The following DHRS7C variants were observed in gnomAD, a reference collection of about 807,000 sequenced individuals.
The protein encoded by DHRS7C is dehydrogenase/reductase SDR family member 7C.
In DHRS7C, 28 loss-of-function variants were observed where a neutral mutation model predicts 29.6. The ratio of observed to expected loss-of-function variants is 0.95; its 90% CI spans 0.70 to 1.30. The LOEUF is 1.30. Among genes scored for constraint, DHRS7C ranks in the 50% most tolerant of loss-of-function variants. DHRS7C has a pLI of 0.00. For synonymous variants in DHRS7C, 158 were observed against 160.2 expected, an observed-to-expected ratio of 0.99 and a Z score of 0.10; for missense variants, 403 against 393.3, an observed-to-expected ratio of 1.02 and a Z score of -0.21.
rs554893061 is a variant in DHRS7C, at chr17:9,774,597, T to A, written c.572-1675A>T. Among the ~76,000 whole-genome samples, 206 of 152,088 alleles carry A rather than the reference T, an allele frequency of 1.4e-3. No individual in the cohort carries two copies. The highest frequency in any genetic ancestry group is 2.9e-3 in the Admixed American group (45 of 15,272). On this transcript the variant is annotated intron_variant, in intron 4 of 5. Transcript: ENST00000571134. The surrounding 1 kb of genome is among the most constrained non-coding windows in gnomAD (Gnocchi z 5.0). ...CTGTGCCCGGCCCCATGTGGCATGGTTAATGCAGGAAAGAGATGTGTGCCT... is the reference window on the plus strand; with the variant it reads ...CTGTGCCCGGCCCCATGTGGCATGGATAATGCAGGAAAGAGATGTGTGCCT...
At position 9,775,432 on chromosome 17, in the gene DHRS7C, A is replaced by G. The variant is rs1432612794; in HGVS notation, c.571+1761T>C. 3.9e-5 allele frequency among the ~76,000 whole-genome samples: 6 copies of G among 152,142 alleles called. No individual in the cohort carries two copies. Among genetic ancestry groups the G allele is most frequent in the Non-Finnish European group, 7.4e-5 (5 of 68,012 alleles). ...CAGCGGTGATGCCAGCCTGGGGACA[A>G]TGGGATGTCCAATGCCAGCCTGGGG... On this transcript the variant is annotated intron_variant, in intron 4 of 5. Coordinates refer to ENST00000571134, the MANE Select transcript of DHRS7C (RefSeq NM_001105571.3). The surrounding 1 kb of genome is among the most constrained non-coding windows in gnomAD (Gnocchi z 4.2).
intron 1 of DHRS7C, among the ~76,000 whole-genome samples, chr17:9,784,866 C>T (rs1384687480): frequency 6.6e-6 from 1 of 152,176 alleles, no homozygotes; most frequent in African/African-American, 2.4e-5. Flanking sequence ...ACTGATGTTG[C>T]AGAAATTGGT....
chr17:9,775,899 T>C lies in DHRS7C; in HGVS notation c.571+1294A>G, dbSNP rs902342433. Among the ~76,000 whole-genome samples the C allele has an allele frequency of 1.3e-5, 2 of 152,170 alleles. No individual in the cohort carries two copies. The highest frequency in any genetic ancestry group is 3.9e-4 in the East Asian group (2 of 5,190). ...TCCTACTCTAATCTGACTGGTGCTA[T>C]TGTAAGAAGAGGAAATTTGGGGCCG... On this transcript the variant is annotated intron_variant, in intron 4 of 5. Coordinates refer to ENST00000571134, the MANE Select transcript of DHRS7C (RefSeq NM_001105571.3). This position sits in a 1 kb window ranked among gnomAD's most constrained non-coding sequence, Gnocchi z 4.2.
chr17:9,789,398 A>T (rs960588758), intron 1 of DHRS7C, among the ~76,000 whole-genome samples: 2 of 152,192 alleles, frequency 1.3e-5, no homozygotes, highest in East Asian at 3.9e-4. Context: ...CCCTGATCAC[A>T]TGTCACTTTT....
chr17:9,777,882 C>T (rs1320742778), intron 3 of DHRS7C, among the ~76,000 whole-genome samples: 6 of 152,072 alleles, frequency 3.9e-5, no homozygotes, highest in African/African-American at 7.2e-5. Context: ...TCAGGTTGTC[C>T]TTTATTTACT....
Position 9,774,531 on chromosome 17 carries a change from G to A in DHRS7C, c.572-1609C>T, listed in dbSNP as rs9912602. On this transcript the variant is annotated intron_variant, in intron 4 of 5. Coordinates refer to ENST00000571134, the MANE Select transcript of DHRS7C (RefSeq NM_001105571.3). This position sits in a 1 kb window ranked among gnomAD's most constrained non-coding sequence, Gnocchi z 5.0. ...ACTCCTGACCTCAAGTGATCTACCC[G>A]CCTTGGCCTTCCAAAGTGCTGGGAT... Among the ~76,000 whole-genome samples the A allele has an allele frequency of 0.03, 4,583 of 152,228 alleles. 253 individuals are homozygous for A. Among genetic ancestry groups the A allele is most frequent in the African/African-American group, 0.1 (4,271 of 41,512 alleles).
In DHRS7C at chr17:9,791,231, G is replaced by A; in HGVS notation, c.54C>T (p.Gly18=). The A allele has an allele frequency of 6.2e-7, 1 of 1,613,716 alleles. No individual in the cohort carries two copies. Among genetic ancestry groups the A allele is most frequent in the Non-Finnish European group, 8.5e-7 (1 of 1,179,804 alleles). ...ACACCTCTTGGTAAATGAAGAGGAG[G>A]CCGCTGATTCCCAGCAGCAGCAGGG... ...MLPLLLLGIS[G]LLFIYQEVSR... Residue 18 remains glycine (G), a synonymous_variant, in exon 1 of 6, where the codon GGC becomes GGT. Coordinates refer to ENST00000571134, the MANE Select transcript of DHRS7C (RefSeq NM_001105571.3).
intron 5 of DHRS7C, 73 bp from the exon 6 acceptor site, chr17:9,771,769 A>G: frequency 4.6e-6 from 6 of 1,293,066 alleles, no homozygotes; most frequent in East Asian, 3.0e-5. Context: ...CTGCACATGC[A>G]CAAAGGCTGA....
intron 1 of DHRS7C, among the ~76,000 whole-genome samples, chr17:9,781,901 C>T (rs1205768178): frequency 6.6e-6 from 1 of 152,154 alleles, no homozygotes; most frequent in Non-Finnish European, 1.5e-5. Context: ...CACCTGGTCC[C>T]CCAGGACCGC....
chr17:9,776,574 C>T lies in DHRS7C; in HGVS notation c.571+619G>A, dbSNP rs113550919. Among the ~76,000 whole-genome samples, 22 of 152,262 alleles carry T rather than the reference C, an allele frequency of 1.4e-4. 1 individual carries two copies. The highest frequency in any genetic ancestry group is 4.1e-4 in the African/African-American group (17 of 41,548). ...GGGCCACGAATAAATGTATATGGCA[C>T]GTTCCCCACCTCTTAGAACTAGCTC... On this transcript the variant is annotated intron_variant, in intron 4 of 5. Transcript: ENST00000571134.
chr17:9,777,320 C>T (rs750737888), intron 3 of DHRS7C, 35 bp from the exon 4 acceptor site: 6 of 1,590,716 alleles, frequency 3.8e-6, no homozygotes, highest in Middle Eastern at 1.7e-4. Context: ...ATGGTTAAAA[C>T]TTTGAGACTG....
At chr17:9,780,814 C>T (rs933547427) in intron 2 of DHRS7C, among the ~76,000 whole-genome samples, 1 of 152,240 alleles carries the variant, frequency 6.6e-6, no homozygotes, top group Non-Finnish European at 1.5e-5. Flanking sequence ...CTTAGCTTAA[C>T]TCAGTGTTTC....
Position 9,772,908 on chromosome 17 carries a change from G to A in DHRS7C, c.586C>T (p.His196Tyr), listed in dbSNP as rs776337312. The change falls in exon 5 of 6, where the codon CAC becomes TAC. Residue 196 changes from histidine to tyrosine, a missense_variant. Physicochemically the swap from His to Tyr is moderately conservative, Grantham distance 83. Coordinates refer to ENST00000571134, the MANE Select transcript of DHRS7C (RefSeq NM_001105571.3). ...CAGTCAAAGAAGCCCAGGGCTGCGT[G>A]CTTGGAGGCAGCGTCTGCGAGACAA... ...PFRTTYAASK[H>Y]AALGFFDCLR... The A allele has an allele frequency of 1.2e-6, 2 of 1,613,746 alleles. No homozygotes were observed. The highest frequency in any genetic ancestry group is 3.3e-5 in the Admixed American group (2 of 60,016).
intron 5 of DHRS7C, 76 bp from the exon 6 acceptor site, chr17:9,771,772 A>G: frequency 7.8e-7 from 1 of 1,277,814 alleles, no homozygotes. Flanking sequence ...CACATGCACA[A>G]AGGCTGAGGG....
At chr17:9,783,701 C>T (rs1157567008) in intron 1 of DHRS7C, among the ~76,000 whole-genome samples, 2 of 152,182 alleles carry the variant, frequency 1.3e-5, no homozygotes, top group Non-Finnish European at 2.9e-5. Context: ...CGCGGTGGCT[C>T]ATGCCTGTAA....
chr17:9,778,812 C>A (rs1216302288), intron 3 of DHRS7C, among the ~76,000 whole-genome samples: 1 of 152,184 alleles, frequency 6.6e-6, no homozygotes, highest in Non-Finnish European at 1.5e-5. Context: ...AGATCTCAGA[C>A]CTTGCCAGGA....
chr17:9,787,477 C>T (rs1002555074), intron 1 of DHRS7C, among the ~76,000 whole-genome samples: 11 of 152,216 alleles, frequency 7.2e-5, no homozygotes, highest in African/African-American at 2.7e-4. Context: ...AGAGGTGCTG[C>T]TCCTGAAGAA....
In DHRS7C at chr17:9,771,704, G is replaced by T; in HGVS notation, c.728-8C>A. On this transcript the variant is annotated splice_polypyrimidine_tract_variant and splice_region_variant and intron_variant, in intron 5 of 5. Coordinates refer to ENST00000571134, the MANE Select transcript of DHRS7C (RefSeq NM_001105571.3). ...TCAGCTTCCTGAAAAAGACTGAAAG[G>T]CCCCAGTTGGGGGCGGGGGTTATGA... 6.9e-7 allele frequency: 1 copy of T among 1,457,826 alleles called. No individual in the cohort carries two copies. The highest frequency in any genetic ancestry group is 9.1e-7 in the Non-Finnish European group (1 of 1,096,514). 90.3% of individuals were successfully genotyped at this position (1,457,826 alleles called of 1,614,324 possible). A position where few individuals can be genotyped will look rare whatever the true frequency, so the allele number is the denominator to read the frequency against.
chr17:9,783,308 G>A (rs1431844678), intron 1 of DHRS7C, among the ~76,000 whole-genome samples: 1 of 152,150 alleles, frequency 6.6e-6, no homozygotes, highest in Non-Finnish European at 1.5e-5. Flanking sequence ...CAATGCAAGT[G>A]TTTTATTGAG....
Sources: allele counts gnomAD v4.1 joint callset (sites outside exome capture counted in the v4.1 genomes callset), GRCh38; gene constraint gnomAD v4.1.1; non-coding constraint Gnocchi (gnomAD v3.1); transcripts MANE v1.5; gene names NCBI Gene and HGNC (gene_info 2026-07-23, HGNC 2026-07-21).